Variants in PARVG observed in about 807,000 individuals in gnomAD.
PARVG encodes parvin gamma, also known as gamma-parvin.
A neutral mutation model predicts 44.4 loss-of-function variants in PARVG; 36 were observed. The observed-to-expected ratio is 0.81, with a 90% CI of 0.62 to 1.07. The LOEUF (loss-of-function observed/expected upper bound fraction) is 1.07, where lower values mean the gene tolerates loss of function less well. Among genes scored for constraint, PARVG ranks in the 50% least tolerant of loss-of-function variants. PARVG has a pLI of 0.00. For missense variants in PARVG, 407 were observed against 407.4 expected, an observed-to-expected ratio of 1.00 and a Z score of 0.01; for synonymous variants, 170 against 174.1, an observed-to-expected ratio of 0.98 and a Z score of 0.19.
intron 11 of PARVG, among the ~76,000 whole-genome samples, chr22:44,197,608 C>G (rs139146): frequency 0.2 from 30,020 of 152,124 alleles, 3,135 homozygotes; most frequent in Admixed American, 0.23. Flanking sequence ...TCCCTCCTGC[C>G]TCCACCACTT....
chr22:44,188,273 T>A (rs1203675605), intron 5 of PARVG: 4 of 215,986 alleles, frequency 1.9e-5, no homozygotes, highest in African/African-American at 6.8e-5. Context: ...AGGGCTGGGC[T>A]CCTGTCTCCG....
At chr22:44,194,099 C>T (rs888180278) in intron 9 of PARVG, among the ~76,000 whole-genome samples, 2 of 152,222 alleles carry the variant, frequency 1.3e-5, no homozygotes, top group African/African-American at 4.8e-5. Flanking sequence ...GCTCTGGAGT[C>T]AGTGGCCTGG....
chr22:44,201,298 G>A (rs2054704877), intron 12 of PARVG, among the ~76,000 whole-genome samples: 1 of 152,160 alleles, frequency 6.6e-6, no homozygotes, highest in Non-Finnish European at 1.5e-5. Flanking sequence ...TTGCCCCTGT[G>A]AGAGCGGGGC....
At chr22:44,188,028 G>A in intron 5 of PARVG, 150 bp downstream of exon 5, 1 of 810,166 alleles carries the variant, frequency 1.2e-6, no homozygotes, top group Non-Finnish European at 2.0e-6. Flanking sequence ...GGCCTGGGCT[G>A]GGGAGATGGA....
chr22:44,198,676 T>C lies in PARVG; in HGVS notation c.767T>C (p.Leu256Pro). 1.2e-6 allele frequency: 2 copies of C among 1,613,990 alleles called. No individual in the cohort carries two copies. Among genetic ancestry groups the C allele is most frequent in the Non-Finnish European group, 8.5e-7 (1 of 1,179,870 alleles). The change falls in exon 12 of 14, where the codon CTG becomes CCG. Residue 256 changes from leucine (L) to proline (P), a missense_variant. Coordinates refer to ENST00000444313, the MANE Select transcript of PARVG (RefSeq NM_022141.7). ...ATTGGACAACTTGAAGGCTTCTTCC[T>C]GCACTTAAAGGAATTCTACCTCACT... The part of the protein sequence containing the change: ...LLIGQLEGFF[L>P]HLKEFYLTPN...
intron 5 of PARVG, 104 bp downstream of exon 5, chr22:44,187,982 C>A: frequency 8.4e-7 from 1 of 1,193,396 alleles, no homozygotes; most frequent in Non-Finnish European, 1.2e-6. Flanking sequence ...CCACAATGGT[C>A]CCGGGTTTAG....
Position 44,205,771 on chromosome 22 carries a change from C to T in PARVG, c.828C>T (p.Thr276=). ...NSPAEMLHNV[T]LALELLKDEG... is the part of the protein sequence containing the mutation. ...TGTCATCATAGCTGCACAACGTCAC[C>T]CTGGCGCTGGAGCTGCTGAAGGACG... The change falls in exon 13 of 14, where the codon ACC becomes ACT. Residue 276 remains threonine, a synonymous_variant. Coordinates refer to ENST00000444313, the MANE Select transcript of PARVG (RefSeq NM_022141.7). 2 of 1,613,614 alleles carry T rather than the reference C, an allele frequency of 1.2e-6. No individual in the cohort carries two copies. Among genetic ancestry groups the T allele is most frequent in the Non-Finnish European group, 1.7e-6 (2 of 1,180,002 alleles).
chr22:44,172,984 A>T, exon 1 of PARVG: 1 of 1,289,398 alleles, frequency 7.8e-7, no homozygotes, highest in Non-Finnish European at 1.0e-6. Context: ...TTAATCTTTC[A>T]TGCATTTAGC....
At chr22:44,190,855 G>T (rs1012619129) in intron 7 of PARVG, among the ~76,000 whole-genome samples, 189 bp downstream of exon 7, 5 of 152,204 alleles carry the variant, frequency 3.3e-5, no homozygotes, top group South Asian at 4.1e-4. Flanking sequence ...GGCTGGTAAG[G>T]GTCTAGTGGG....
At chr22:44,175,695 G>T (rs9625989) in intron 1 of PARVG, among the ~76,000 whole-genome samples, 4,232 of 152,232 alleles carry the variant, frequency 0.028, 207 homozygotes, top group African/African-American at 0.097. Context: ...GGGGGGGTGG[G>T]GGTGTGCTAG....
intron 1 of PARVG, chr22:44,173,339 A>G (rs771877924): frequency 2.7e-5 from 18 of 659,948 alleles, no homozygotes; most frequent in Non-Finnish European, 3.6e-5. Context: ...CATGCTGACC[A>G]GTAAGTGACC....
intron 1 of PARVG, 82 bp from the exon 2 acceptor site, chr22:44,181,659 CG>C (rs1353071594): frequency 9.4e-6 from 9 of 960,726 alleles, no homozygotes; most frequent in Non-Finnish European, 1.1e-5. Flanking sequence ...GCACGGCGGG[CG>C]CTGGGGCTCC....
At chr22:44,196,110 G>T in intron 9 of PARVG, 45 bp from the exon 10 acceptor site, 1 of 1,609,740 alleles carries the variant, frequency 6.2e-7, no homozygotes, top group Non-Finnish European at 8.5e-7. Context: ...TTGGCACAAA[G>T]ATAATAGCAT....
intron 1 of PARVG, among the ~76,000 whole-genome samples, chr22:44,175,503 G>A (rs745989436): frequency 7.9e-5 from 12 of 152,232 alleles, no homozygotes; most frequent in Admixed American, 2.6e-4. Context: ...GAGGTTTTCC[G>A]TGGAAACCCA....
rs948966581 is a variant in PARVG, at chr22:44,206,441, A to G, written c.*15A>G. On this transcript the variant is annotated 3_prime_UTR_variant, in exon 14 of 14. Coordinates refer to ENST00000444313, the MANE Select transcript of PARVG (RefSeq NM_022141.7). ...CCCCGAATTGACCCTCACTGCCTCCAAAGCCCAGAGCCTGCCTGTCAGCCC... is the reference window on the plus strand; with the variant it reads ...CCCCGAATTGACCCTCACTGCCTCCGAAGCCCAGAGCCTGCCTGTCAGCCC... The G allele has an allele frequency of 1.9e-6, 3 of 1,611,632 alleles. No homozygotes were observed. The African/African-American group carries it at 4.0e-5, about 22-fold the overall frequency.
rs758609715 is a variant in PARVG, at chr22:44,198,732, C to G, written c.813+10C>G. On this transcript the variant is annotated intron_variant, in intron 12 of 13. Transcript: ENST00000444313. ...CTCTCCTGCAGAAATGGTAAGTTTT[C>G]CAAGGATTTTTCTTTATGGTCTACC... The G allele has an allele frequency of 6.3e-7, 1 of 1,592,276 alleles. No homozygotes were observed. The highest frequency in any genetic ancestry group is 8.6e-7 in the Non-Finnish European group (1 of 1,160,052).
chr22:44,173,919 G>C (rs73426418), intron 1 of PARVG, among the ~76,000 whole-genome samples: 4 of 152,222 alleles, frequency 2.6e-5, no homozygotes, highest in African/African-American at 9.7e-5. Flanking sequence ...AAGCCCTGCA[G>C]TAGAGTGCCA....
At chr22:44,192,369 G>GT (rs2054560133) in intron 8 of PARVG, among the ~76,000 whole-genome samples, 1 of 152,206 alleles carries the variant, frequency 6.6e-6, no homozygotes, top group Non-Finnish European at 1.5e-5. Flanking sequence ...TGGGTTTGGG[G>GT]TACAGGGCCC....
intron 12 of PARVG, among the ~76,000 whole-genome samples, chr22:44,201,963 G>A (rs904687143): frequency 2.0e-5 from 3 of 152,264 alleles, no homozygotes; most frequent in African/African-American, 7.2e-5. Context: ...ATCGAAGCAG[G>A]CCCTGTGGCC....
Sources: gnomAD v4.1 joint callset for allele counts (sites outside exome capture counted in the v4.1 genomes callset) on GRCh38, gnomAD v4.1.1 for gene constraint, MANE v1.5 for transcripts, NCBI Gene and HGNC (gene_info 2026-07-23, HGNC 2026-07-21) for gene names.